APBB2: variants seen among roughly 807,000 people sequenced by gnomAD.
APBB2 encodes the protein Fe65-like 1.
APBB2 carries 38 observed loss-of-function variants against 82.5 expected under a neutral mutation model. The observed-to-expected ratio is 0.46, with a 90% CI of 0.36 to 0.60. The LOEUF (loss-of-function observed/expected upper bound fraction) is 0.60. Among genes scored for constraint, APBB2 ranks in the 20% least tolerant of loss-of-function variants. The pLI is 0.00. For missense variants in APBB2, 772 were observed against 972.3 expected, an observed-to-expected ratio of 0.79 and a Z score of 2.74; for synonymous variants, 341 against 368.2, an observed-to-expected ratio of 0.93 and a Z score of 0.85.
Position 41,075,299 on chromosome 4 carries a change from C to G in APBB2, c.-148-9626G>C, listed in dbSNP as rs187500634. 2.0e-5 allele frequency among the ~76,000 whole-genome samples: 3 copies of G among 152,228 alleles called. No homozygotes were observed. The East Asian group carries it at 5.8e-4, about 29-fold the overall frequency. On this transcript the variant is annotated intron_variant, in intron 3 of 17. Transcript: ENST00000508593. The stretch of plus-strand genomic sequence containing the variant: ...TGATACACATTAATAATATATTAAA[C>G]ATAATTTTAATAAATCAGTTGTTAT...
At chr4:40,914,856 A>C (rs1779464385) in intron 10 of APBB2, among the ~76,000 whole-genome samples, 1 of 152,080 alleles carries the variant, frequency 6.6e-6, no homozygotes, top group Admixed American at 6.5e-5. Context: ...AATTACTCTT[A>C]AGCTTTCTAG....
At chr4:40,842,925 TGAC>T (rs931136169) in intron 12 of APBB2, among the ~76,000 whole-genome samples, 3 of 152,034 alleles carry the variant, frequency 2.0e-5, no homozygotes, top group Non-Finnish European at 4.4e-5. Flanking sequence ...AGACAGGAGA[TGAC>T]AGCTCAATGG....
At chr4:40,863,915 A>AAAAAAAC (rs1186769925) in intron 12 of APBB2, among the ~76,000 whole-genome samples, 3 of 150,582 alleles carry the variant, frequency 2.0e-5, no homozygotes, top group Non-Finnish European at 4.4e-5. Flanking sequence ...AAAAAAAAAA[A>AAAAAAAC]AGCAAGCCAG....
intron 12 of APBB2, among the ~76,000 whole-genome samples, chr4:40,872,530 C>T (rs1201517241): frequency 6.6e-6 from 1 of 152,164 alleles, no homozygotes; most frequent in African/African-American, 2.4e-5. Flanking sequence ...CCATGGCGTT[C>T]TCATTCATGG....
At chr4:41,208,451 G>A (rs964297830) in intron 1 of APBB2, among the ~76,000 whole-genome samples, 3 of 152,060 alleles carry the variant, frequency 2.0e-5, no homozygotes, top group East Asian at 1.9e-4. Context: ...TAGCAGAGAC[G>A]GGGTTTCACC....
chr4:41,029,167 G>A (rs1167612921), intron 5 of APBB2, among the ~76,000 whole-genome samples: 1 of 152,274 alleles, frequency 6.6e-6, no homozygotes, highest in East Asian at 1.9e-4. Context: ...TTCCACTGAG[G>A]AGTTAATAGT....
chr4:41,049,480 C>A (rs1396185159), intron 4 of APBB2, among the ~76,000 whole-genome samples: 1 of 145,436 alleles, frequency 6.9e-6, no homozygotes, highest in East Asian at 2.1e-4. Context: ...AGCCCCCGCC[C>A]GGCCAGCCGC....
intron 1 of APBB2, among the ~76,000 whole-genome samples, chr4:41,196,599 C>CA: frequency 1.0e-5 from 1 of 100,352 alleles, no homozygotes; most frequent in Non-Finnish European, 1.9e-5. Flanking sequence ...AAGCCCCCTG[C>CA]TTTTTTTTTT....
intron 12 of APBB2, among the ~76,000 whole-genome samples, chr4:40,838,792 T>C (rs747139198): frequency 1.2e-4 from 19 of 152,198 alleles, no homozygotes; most frequent in Admixed American, 3.3e-4. Context: ...TTTTAAAAAA[T>C]AGCCAGAACT....
intron 10 of APBB2, among the ~76,000 whole-genome samples, chr4:40,915,115 C>G (rs1007817020): frequency 3.3e-5 from 5 of 152,206 alleles, no homozygotes; most frequent in Admixed American, 6.5e-5. Context: ...ACTGGTTATT[C>G]CTTTGGCTTA....
intron 6 of APBB2, among the ~76,000 whole-genome samples, chr4:40,958,147 T>A (rs1363920219): frequency 6.6e-6 from 1 of 152,202 alleles, no homozygotes; most frequent in African/African-American, 2.4e-5. Context: ...GTTAATCATA[T>A]GACCTGGTTA....
intron 1 of APBB2, among the ~76,000 whole-genome samples, chr4:41,200,227 G>A (rs1364390246): frequency 6.6e-6 from 1 of 152,168 alleles, no homozygotes; most frequent in Non-Finnish European, 1.5e-5. Context: ...AAACATTGTG[G>A]TGAAAATGAC....
chr4:40,986,555 C>A (rs999084403), intron 6 of APBB2, among the ~76,000 whole-genome samples: 4 of 152,192 alleles, frequency 2.6e-5, no homozygotes, highest in African/African-American at 9.7e-5. Flanking sequence ...ATCAATGCTT[C>A]CTTGTCTGGA....
intron 7 of APBB2, among the ~76,000 whole-genome samples, chr4:40,939,579 T>C (rs946287692): frequency 3.9e-5 from 6 of 152,112 alleles, no homozygotes; most frequent in Non-Finnish European, 8.8e-5. Flanking sequence ...TCAGTGAGTG[T>C]TTTATCAATT....
intron 1 of APBB2, among the ~76,000 whole-genome samples, chr4:41,156,733 CTCA>C (rs1421397897): frequency 6.6e-6 from 1 of 152,086 alleles, no homozygotes; most frequent in African/African-American, 2.4e-5. Context: ...GATCTTAAGA[CTCA>C]TCATTTAATA....
intron 1 of APBB2, among the ~76,000 whole-genome samples, chr4:41,180,863 T>C (rs1331318951): frequency 6.6e-6 from 1 of 152,164 alleles, no homozygotes; most frequent in Non-Finnish European, 1.5e-5. Context: ...GCTGTTTTCA[T>C]TGTATAGTTT....
chr4:40,928,022 T>C (rs975304920), intron 10 of APBB2, among the ~76,000 whole-genome samples: 5 of 152,182 alleles, frequency 3.3e-5, no homozygotes, highest in African/African-American at 1.2e-4. Context: ...ATCTAAGATA[T>C]TAAAGTAACA....
At chr4:40,851,549 G>A (rs995700536) in intron 12 of APBB2, among the ~76,000 whole-genome samples, 3 of 151,802 alleles carry the variant, frequency 2.0e-5, no homozygotes, top group Non-Finnish European at 2.9e-5. Context: ...TTGTACTCTC[G>A]GCTGCTGCTT....
At chr4:41,087,180 T>C (rs1366180800) in intron 3 of APBB2, among the ~76,000 whole-genome samples, 1 of 152,160 alleles carries the variant, frequency 6.6e-6, no homozygotes, top group African/African-American at 2.4e-5. Flanking sequence ...TAAAAATGAA[T>C]GGAAAGACAT....
Sources: allele counts gnomAD v4.1 joint callset (sites outside exome capture counted in the v4.1 genomes callset), GRCh38; gene constraint gnomAD v4.1.1; transcripts MANE v1.5; gene names NCBI Gene and HGNC (gene_info 2026-07-23, HGNC 2026-07-21).